Variants in FBXW9 observed in about 807,000 individuals in gnomAD.
FBXW9 encodes the protein F-box/WD repeat-containing protein 9.
A neutral mutation model predicts 55.8 loss-of-function variants in FBXW9; 38 were observed. The observed-to-expected ratio is 0.68, with a 90% CI of 0.53 to 0.89. The LOEUF is 0.89. Among genes scored for constraint, FBXW9 ranks in the 40% least tolerant of loss-of-function variants. The pLI is 0.00. For synonymous variants in FBXW9, 289 were observed against 278.2 expected, an observed-to-expected ratio of 1.04 and a Z score of -0.38; for missense variants, 590 against 619.4, an observed-to-expected ratio of 0.95 and a Z score of 0.50.
intron 1 of FBXW9, 105 bp from the exon 2 acceptor site, chr19:12,695,043 C>G: frequency 1.5e-6 from 2 of 1,338,150 alleles, no homozygotes; most frequent in Non-Finnish European, 2.0e-6. Flanking sequence ...CTACACCAGA[C>G]TTGGACAGAA....
At chr19:12,693,555 TATATATACACACACACACAC>T (rs1395301284) in intron 3 of FBXW9, among the ~76,000 whole-genome samples, 4 of 20,512 alleles carry the variant, frequency 2.0e-4, no homozygotes, top group East Asian at 1.6e-3. Context: ...TATATATATA[TATATATACACACACACACAC>T]ACACACACAC....
intron 3 of FBXW9, 105 bp from the exon 4 acceptor site, chr19:12,691,559 AC>A: frequency 1.2e-6 from 1 of 866,146 alleles, no homozygotes; most frequent in Non-Finnish European, 1.8e-6. Flanking sequence ...CAAGAGACTC[AC>A]CCAAAGCCAC....
chr19:12,695,069 T>C (rs970388980), intron 1 of FBXW9, 131 bp from the exon 2 acceptor site: 2 of 1,071,748 alleles, frequency 1.9e-6, no homozygotes, highest in Non-Finnish European at 2.6e-6. Context: ...TGGAGATCCC[T>C]ACTCCCACCC....
Position 12,690,062 on chromosome 19 carries a change from A to C in FBXW9, c.932T>G (p.Leu311Arg). The C allele has an allele frequency of 6.2e-7, 1 of 1,614,086 alleles. No individual in the cohort carries two copies. Among genetic ancestry groups the C allele is most frequent in the Non-Finnish European group, 8.5e-7 (1 of 1,180,028 alleles). Residue 311 changes from leucine to arginine, a missense_variant, in exon 6 of 10, where the codon CTG becomes CGG. Physicochemically the swap from Leu to Arg is moderately radical, Grantham distance 102 (BLOSUM62 -2). Transcript: ENST00000393261. ...KHQQLHSRPV[L>R]TLLADDRHII... ...GTGCCGGTCATCCGCCAGCAGGGTC[A>C]GCACGGGTCTGGAGTGTAGTTGCTG...
At chr19:12,693,530 ATATATAT>A (rs1276300116) in intron 3 of FBXW9, among the ~76,000 whole-genome samples, 1 of 9,596 alleles carries the variant, frequency 1.0e-4, no homozygotes. Flanking sequence ...AAAAAAAAAA[ATATATAT>A]ATATATATAT....
At position 12,689,687 on chromosome 19, in the gene FBXW9, C is replaced by G; in HGVS notation, c.1147-57G>C. The G allele has an allele frequency of 6.2e-7, 1 of 1,608,220 alleles. No individual in the cohort carries two copies. Among genetic ancestry groups the G allele is most frequent in the Non-Finnish European group, 8.5e-7 (1 of 1,175,114 alleles). On this transcript the variant is annotated intron_variant, in intron 7 of 9. Coordinates refer to ENST00000393261, the MANE Select transcript of FBXW9 (RefSeq NM_032301.3). This position sits in a 1 kb window ranked among gnomAD's most constrained non-coding sequence, Gnocchi z 5.9. ...GAGGCTCTCCCAAGGCCCGCCCTCCCCCACACCACCAGGGGCTCGGGTAGG... is the reference window on the plus strand; with the variant it reads ...GAGGCTCTCCCAAGGCCCGCCCTCCGCCACACCACCAGGGGCTCGGGTAGG...
chr19:12,688,930 T>C lies in FBXW9; in HGVS notation c.*286A>G, dbSNP rs2024960893. The C allele has an allele frequency of 3.4e-6, 2 of 584,744 alleles. No individual in the cohort carries two copies. The highest frequency in any genetic ancestry group is 1.8e-5 in the African/African-American group (1 of 54,392). 36.2% of individuals were successfully genotyped at this position (584,744 alleles called of 1,614,324 possible). On this transcript the variant is annotated 3_prime_UTR_variant, in exon 10 of 10. Transcript: ENST00000393261. Reference sequence around the variant, plus strand: ...CACACTCCAGGCCCAAGCACCAACATGTCAGGTTTATTTCTCCTTCGCTCT... The same window carrying C: ...CACACTCCAGGCCCAAGCACCAACACGTCAGGTTTATTTCTCCTTCGCTCT...
chr19:12,694,975 G>T, intron 1 of FBXW9, 37 bp from the exon 2 acceptor site: 1 of 1,598,890 alleles, frequency 6.3e-7, no homozygotes, highest in Non-Finnish European at 8.5e-7. Context: ...CAGTGGGCAG[G>T]GACCCTAGCA....
rs1207092779 is a variant in FBXW9 at position 12,691,590 on chromosome 19, G to A, written c.679-136C>T. On this transcript the variant is annotated intron_variant, in intron 3 of 9. Transcript: ENST00000393261. The stretch of plus-strand genomic sequence containing the variant: ...AGCCACATAGCTCTTCCTCCCCAGT[G>A]CCCATGGTGATAGATGCTGCAGCAA... 7.3e-6 allele frequency: 5 copies of A among 685,204 alleles called. No homozygotes were observed. In the East Asian group the frequency reaches 1.4e-4, roughly 19 times the overall value. 42.4% of individuals were successfully genotyped at this position (685,204 alleles called of 1,614,324 possible). A position where few individuals can be genotyped will look rare whatever the true frequency, so the allele number is the denominator to read the frequency against.
chr19:12,689,927 G>A lies in FBXW9; in HGVS notation c.1032+35C>T. ...CTCAGGCCGGGCTGGGCCTGCAACA[G>A]TCCCCATCCCTCCAGGCCCCTGGGG... On this transcript the variant is annotated intron_variant, in intron 6 of 9. Transcript: ENST00000393261. This position sits in a 1 kb window ranked among gnomAD's most constrained non-coding sequence, Gnocchi z 5.9. 1.2e-6 allele frequency: 2 copies of A among 1,612,560 alleles called. No homozygotes were observed. The highest frequency in any genetic ancestry group is 8.5e-7 in the Non-Finnish European group (1 of 1,178,756).
chr19:12,690,028 T>C lies in FBXW9; in HGVS notation c.966A>G (p.Ser322=), dbSNP rs1464514337. ...CCACCAGGGTGTGGTCCTCGCTGCC[T>C]GAGATGATGTGCCGGTCATCCGCCA... is the stretch of plus-strand genomic sequence containing the variant. ...TLLADDRHII[S]GSEDHTLVVV... The change falls in exon 6 of 10, where the codon TCA becomes TCG. Residue 322 remains serine (S), a synonymous_variant. Transcript: ENST00000393261. 1.2e-6 allele frequency: 2 copies of C among 1,613,722 alleles called. No homozygotes were observed. The highest frequency in any genetic ancestry group is 1.7e-6 in the Non-Finnish European group (2 of 1,179,744).
At chr19:12,690,636 TG>T (rs973861541) in intron 5 of FBXW9, among the ~76,000 whole-genome samples, 2 of 151,554 alleles carry the variant, frequency 1.3e-5, no homozygotes, top group African/African-American at 4.8e-5. Context: ...AAAAGAAAAA[TG>T]GCCGGGCGCG....
intron 3 of FBXW9, among the ~76,000 whole-genome samples, chr19:12,692,219 T>C (rs921311387): frequency 3.6e-4 from 53 of 148,214 alleles, no homozygotes; most frequent in African/African-American, 1.3e-3. Flanking sequence ...GCCACTACAC[T>C]CTGCTAATTT....
rs1444715633 is a variant in FBXW9, at chr19:12,696,269, G to C, written c.313C>G (p.Arg105Gly). The C allele has an allele frequency of 6.4e-7, 1 of 1,571,754 alleles. No individual in the cohort carries two copies. Among genetic ancestry groups the C allele is most frequent in the Non-Finnish European group, 8.6e-7 (1 of 1,159,154 alleles). The change falls in exon 1 of 10, where the codon CGG (arginine) becomes GGG (glycine). Residue 105 changes from arginine (R) to glycine (G), a missense_variant. Physicochemically the swap from Arg to Gly is moderately radical, Grantham distance 125. Transcript: ENST00000393261. ...AGGTCGCGGAGCGCGTGGCACACCC[G>C]CGACAGGACGTGGAGCACGAGGCGG... The part of the protein sequence containing the change: ...DARLVLHVLS[R>G]VCHALRDLVS...
chr19:12,692,752 G>T (rs556705710), intron 3 of FBXW9, among the ~76,000 whole-genome samples: 1 of 152,222 alleles, frequency 6.6e-6, no homozygotes, highest in South Asian at 2.1e-4. Flanking sequence ...TCGAACTCCT[G>T]GGTTCAAGCA....
intron 5 of FBXW9, 152 bp from the exon 6 acceptor site, chr19:12,690,262 C>T (rs1007089628): frequency 8.2e-6 from 11 of 1,339,770 alleles, no homozygotes; most frequent in African/African-American, 7.2e-5. Context: ...TCTCCTCTCC[C>T]GCCTCAGGTA....
rs564249981 is a variant in FBXW9 at position 12,689,689 on chromosome 19, C to A, written c.1147-59G>T. On this transcript the variant is annotated intron_variant, in intron 7 of 9. Transcript: ENST00000393261. This position sits in a 1 kb window ranked among gnomAD's most constrained non-coding sequence, Gnocchi z 5.9. ...GGCTCTCCCAAGGCCCGCCCTCCCC[C>A]ACACCACCAGGGGCTCGGGTAGGAA... The A allele has an allele frequency of 5.5e-5, 89 of 1,607,684 alleles. No individual in the cohort carries two copies. In the Admixed American group the frequency reaches 1.1e-3, roughly 20 times the overall value.
At chr19:12,696,125 T>C in intron 1 of FBXW9, 48 bp downstream of exon 1, 1 of 1,484,164 alleles carries the variant, frequency 6.7e-7, no homozygotes, top group Non-Finnish European at 8.9e-7. Flanking sequence ...AAGCCTGACC[T>C]GGGCGGGCGC....
At chr19:12,691,916 C>T (rs527299231) in intron 3 of FBXW9, among the ~76,000 whole-genome samples, 6 of 151,756 alleles carry the variant, frequency 4.0e-5, no homozygotes, top group East Asian at 2.0e-4. Context: ...CCACCACGCC[C>T]GGCTAATTTT....
Sources: gnomAD v4.1 joint callset for allele counts (sites outside exome capture counted in the v4.1 genomes callset) on GRCh38, gnomAD v4.1.1 for gene constraint, Gnocchi (gnomAD v3.1) non-coding constraint, MANE v1.5 for transcripts, NCBI Gene and HGNC (gene_info 2026-07-23, HGNC 2026-07-21) for gene names.